Variants in TMOD3 observed in about 807,000 individuals in gnomAD.
The protein encoded by TMOD3 is tropomodulin-3.
In TMOD3, 20 loss-of-function variants were observed where a neutral mutation model predicts 39.2. The ratio of observed to expected loss-of-function variants is 0.51; its 90% CI spans 0.36 to 0.74. The LOEUF (loss-of-function observed/expected upper bound fraction) is 0.74. Among genes scored for constraint, TMOD3 ranks in the 30% least tolerant of loss-of-function variants. TMOD3 has a pLI of 0.00. For synonymous variants in TMOD3, 143 were observed against 145.8 expected, an observed-to-expected ratio of 0.98 and a Z score of 0.14; for missense variants, 381 against 412.8, an observed-to-expected ratio of 0.92 and a Z score of 0.67.
intron 3 of TMOD3, among the ~76,000 whole-genome samples, chr15:51,875,831 G>C (rs2056499929): frequency 6.6e-6 from 1 of 151,920 alleles, no homozygotes; most frequent in Non-Finnish European, 1.5e-5. Flanking sequence ...TGTTAGCCAG[G>C]ATGTTCGCCA....
intron 1 of TMOD3, among the ~76,000 whole-genome samples, chr15:51,834,778 TATC>T (rs1160249430): frequency 6.6e-6 from 1 of 152,166 alleles, no homozygotes; most frequent in Non-Finnish European, 1.5e-5. Flanking sequence ...AGTGAGTTGT[TATC>T]ATGCCACTGC....
rs374424337 is a variant in TMOD3, at chr15:51,857,436, T to C, written c.-74-5375T>C. Among the ~76,000 whole-genome samples, 22 of 152,326 alleles carry C rather than the reference T, an allele frequency of 1.4e-4. No homozygotes were observed. In the East Asian group the frequency reaches 1.9e-3, roughly 13 times the overall value. On this transcript the variant is annotated intron_variant, in intron 1 of 9. Coordinates refer to ENST00000308580, the MANE Select transcript of TMOD3 (RefSeq NM_014547.5). ...CTTTGGGATTAGGAGAAGCAATGTA[T>C]TGGAGTAAGCTATTTAGTCTCTCTG...
At chr15:51,900,113 T>G in intron 7 of TMOD3, 42 bp from the exon 8 acceptor site, 1 of 1,582,466 alleles carries the variant, frequency 6.3e-7, no homozygotes, top group African/African-American at 1.3e-5. Flanking sequence ...TAGTAGGTAC[T>G]GTATCAAATT....
rs1032883891 is a variant in TMOD3, at chr15:51,915,429, C to G, written c.*6619C>G. On this transcript the variant is annotated 3_prime_UTR_variant, in exon 10 of 10. Coordinates refer to ENST00000308580, the MANE Select transcript of TMOD3 (RefSeq NM_014547.5). ...ATTTGGTTTTAGTTACATTTAAAAGCTTGAAAATTACCTTTCTAACAATCA... is the reference window on the plus strand; with the variant it reads ...ATTTGGTTTTAGTTACATTTAAAAGGTTGAAAATTACCTTTCTAACAATCA... 1.3e-5 allele frequency: 2 copies of G among 151,916 alleles called. No individual in the cohort carries two copies. The highest frequency in any genetic ancestry group is 1.3e-4 in the Admixed American group (2 of 15,256). The allele number at this position is 151,916 out of a possible 1,614,324, so 9.4% of individuals were successfully genotyped here.
intron 1 of TMOD3, among the ~76,000 whole-genome samples, chr15:51,855,479 T>G (rs549952845): frequency 1.2e-4 from 19 of 152,360 alleles, no homozygotes; most frequent in African/African-American, 4.3e-4. Flanking sequence ...AATTAAAAAT[T>G]CTTAAGCTTT....
At chr15:51,849,407 T>C (rs895604029) in intron 1 of TMOD3, among the ~76,000 whole-genome samples, 3 of 152,132 alleles carry the variant, frequency 2.0e-5, no homozygotes, top group African/African-American at 4.8e-5. Flanking sequence ...ATTGGAGATA[T>C]CAATTTAAAA....
chr15:51,892,837 G>T (rs935061949), intron 5 of TMOD3, among the ~76,000 whole-genome samples: 4 of 151,966 alleles, frequency 2.6e-5, no homozygotes, highest in African/African-American at 9.7e-5. Flanking sequence ...AAAAACAAAT[G>T]GCATCATCAA....
chr15:51,859,749 C>T (rs2056407158), intron 1 of TMOD3: 1 of 493,354 alleles, frequency 2.0e-6, no homozygotes, highest in African/African-American at 2.0e-5. Flanking sequence ...AGCACATGCA[C>T]CTTCATCTGC....
At chr15:51,880,106 CAT>C (rs1432582901) in intron 3 of TMOD3, among the ~76,000 whole-genome samples, 3 of 152,046 alleles carry the variant, frequency 2.0e-5, no homozygotes, top group Non-Finnish European at 2.9e-5. Flanking sequence ...TATTTTATGT[CAT>C]ATGAAATTAT....
At chr15:51,890,415 G>T (rs1018570171) in intron 5 of TMOD3, among the ~76,000 whole-genome samples, 6 of 150,106 alleles carry the variant, frequency 4.0e-5, no homozygotes, top group Non-Finnish European at 8.9e-5. Context: ...GACCTCAGGT[G>T]ATCTGCCCAC....
intron 3 of TMOD3, among the ~76,000 whole-genome samples, chr15:51,879,862 A>T (rs1013734820): frequency 1.0e-4 from 15 of 148,284 alleles, no homozygotes; most frequent in African/African-American, 3.6e-4. Flanking sequence ...TCTTTCACAC[A>T]CACACACACA....
rs1158059557 is a variant in TMOD3, at chr15:51,896,316, T to C, written c.628-103T>C. ...CTAATTCTTAGGTGTTTGTATAATT[T>C]CTGAATACATTTTAAAGCAAAAAAA... On this transcript the variant is annotated intron_variant, in intron 6 of 9. Coordinates refer to ENST00000308580, the MANE Select transcript of TMOD3 (RefSeq NM_014547.5). The C allele has an allele frequency of 4.1e-6, 3 of 736,488 alleles. No homozygotes were observed. The East Asian group carries it at 8.1e-5, about 20-fold the overall frequency. 45.6% of individuals were successfully genotyped at this position (736,488 alleles called of 1,614,324 possible). A position where few individuals can be genotyped will look rare whatever the true frequency, so the allele number is the denominator to read the frequency against.
At chr15:51,831,338 T>C (rs1024630302) in intron 1 of TMOD3, among the ~76,000 whole-genome samples, 3 of 152,226 alleles carry the variant, frequency 2.0e-5, no homozygotes, top group African/African-American at 7.2e-5. Flanking sequence ...AGATTTTTCG[T>C]GTCTTAATTA....
At chr15:51,859,528 C>A in intron 1 of TMOD3, 1 of 628,426 alleles carries the variant, frequency 1.6e-6, no homozygotes, top group South Asian at 1.4e-5. Context: ...TGTTGATAAG[C>A]CCAATCCAGG....
rs1434073510 is a variant in TMOD3, at chr15:51,911,613, C to G, written c.*2803C>G. 1 of 152,018 alleles carries G rather than the reference C, an allele frequency of 6.6e-6. No individual in the cohort carries two copies. The highest frequency in any genetic ancestry group is 1.9e-4 in the East Asian group (1 of 5,202). 9.4% of individuals were successfully genotyped at this position (152,018 alleles called of 1,614,324 possible). On this transcript the variant is annotated 3_prime_UTR_variant, in exon 10 of 10. Transcript: ENST00000308580. The stretch of plus-strand genomic sequence containing the variant: ...ACCTTAGGTTTTGTAGTCTAACCAG[C>G]TTATGTGGTTATTTAAAAGAATATT...
intron 3 of TMOD3, among the ~76,000 whole-genome samples, chr15:51,875,843 C>G (rs1210616593): frequency 6.6e-6 from 1 of 152,056 alleles, no homozygotes; most frequent in Non-Finnish European, 1.5e-5. Context: ...TGTTCGCCAT[C>G]TCCTGACCTC....
At chr15:51,881,550 CTTTTTTTTTTTTTT>C (rs753814979) in intron 3 of TMOD3, among the ~76,000 whole-genome samples, 17 of 61,842 alleles carry the variant, frequency 2.7e-4, no homozygotes, top group African/African-American at 1.0e-3. Context: ...TTCTTTATTT[CTTTTTTTTTTTTTT>C]TTTTTTTTTT....
intron 6 of TMOD3, among the ~76,000 whole-genome samples, chr15:51,896,047 G>A (rs2141705025): frequency 1.3e-5 from 2 of 152,330 alleles, no homozygotes; most frequent in Non-Finnish European, 2.9e-5. Context: ...GATAGAGGTT[G>A]CAGTGAGCTG....
intron 1 of TMOD3, among the ~76,000 whole-genome samples, chr15:51,839,314 C>T (rs748477089): frequency 6.6e-6 from 1 of 151,294 alleles, no homozygotes; most frequent in African/African-American, 2.4e-5. Context: ...GAACTAAAGG[C>T]ACGTGCCACC....
Sources: gnomAD v4.1 joint callset for allele counts (sites outside exome capture counted in the v4.1 genomes callset) on GRCh38, gnomAD v4.1.1 for gene constraint, MANE v1.5 for transcripts, NCBI Gene and HGNC (gene_info 2026-07-23, HGNC 2026-07-21) for gene names.